The following FAM193A variants were observed in gnomAD, a reference collection of about 807,000 sequenced individuals.
The protein encoded by FAM193A is family with sequence similarity 193 member A.
FAM193A carries 22 observed loss-of-function variants against 126.5 expected under a neutral mutation model. The observed-to-expected ratio is 0.17, with a 90% CI of 0.12 to 0.25. The LOEUF (loss-of-function observed/expected upper bound fraction) is 0.25, where lower values mean the gene tolerates loss of function less well. Ranked by LOEUF, FAM193A falls within the 10% of genes least tolerant of loss-of-function variation. FAM193A has a pLI of 1.00. For synonymous variants in FAM193A, 761 were observed against 646.8 expected (o/e 1.18, Z -2.68); for missense variants, 1,675 against 1,672.8 (o/e 1.00, Z -0.02).
At chr4:2,583,383 C>G (rs1740061965) in intron 1 of FAM193A, among the ~76,000 whole-genome samples, 1 of 152,288 alleles carries the variant, frequency 6.6e-6, no homozygotes, top group Non-Finnish European at 1.5e-5. Flanking sequence ...GTAATCCTGC[C>G]CCTTTTGCAG....
intron 6 of FAM193A, among the ~76,000 whole-genome samples, chr4:2,644,291 A>G (rs1026597489): frequency 1.3e-5 from 2 of 152,154 alleles, no homozygotes; most frequent in Non-Finnish European, 2.9e-5. Context: ...ATAAATTCTT[A>G]CTTCCAGGAG....
intron 6 of FAM193A, among the ~76,000 whole-genome samples, chr4:2,645,034 ATGTGTGTGTGTG>A (rs3221482): frequency 4.7e-5 from 7 of 149,376 alleles, no homozygotes; most frequent in East Asian, 2.0e-4. Context: ...ATATACATGA[ATGTGTGTGTGTG>A]TGTGTGTGTG....
chr4:2,685,233 G>A (rs1715600803), intron 13 of FAM193A, among the ~76,000 whole-genome samples: 3 of 152,128 alleles, frequency 2.0e-5, no homozygotes, highest in East Asian at 3.9e-4. Context: ...GGGGAGGACC[G>A]GGTGCCAAGT....
intron 15 of FAM193A, among the ~76,000 whole-genome samples, chr4:2,691,745 G>C (rs1288711505): frequency 6.7e-6 from 1 of 148,840 alleles, no homozygotes; most frequent in Non-Finnish European, 1.5e-5. Flanking sequence ...TTTGAGACTA[G>C]CCTGGGCAAC....
chr4:2,637,465 C>T (rs1303057930), intron 5 of FAM193A, among the ~76,000 whole-genome samples: 5 of 152,198 alleles, frequency 3.3e-5, no homozygotes, highest in Non-Finnish European at 7.4e-5. Flanking sequence ...AAATTTTCAT[C>T]GACAAAGACA....
intron 13 of FAM193A, among the ~76,000 whole-genome samples, chr4:2,681,505 T>C (rs887930619): frequency 6.6e-6 from 1 of 152,150 alleles, no homozygotes; most frequent in Non-Finnish European, 1.5e-5. Context: ...GCCTGGAGTG[T>C]AGTGGTGCGA....
intron 1 of FAM193A, among the ~76,000 whole-genome samples, chr4:2,585,381 G>T (rs571197676): frequency 6.6e-6 from 1 of 152,150 alleles, no homozygotes; most frequent in Non-Finnish European, 1.5e-5. Flanking sequence ...TTTTGGCTGA[G>T]CGTGGGTTTT....
chr4:2,719,676 C>T (rs890789347), intron 20 of FAM193A, among the ~76,000 whole-genome samples: 14 of 145,510 alleles, frequency 9.6e-5, no homozygotes, highest in Admixed American at 2.2e-4. Context: ...ACCTGGGAGG[C>T]GGAGGTTGTG....
intron 13 of FAM193A, among the ~76,000 whole-genome samples, chr4:2,674,316 A>G (rs1714156679): frequency 6.6e-6 from 1 of 152,234 alleles, no homozygotes; most frequent in Admixed American, 6.5e-5. Context: ...CTGTGCCTAA[A>G]TGCATAATGC....
At chr4:2,690,615 T>G in intron 14 of FAM193A, 83 bp from the exon 15 acceptor site, 1 of 1,267,606 alleles carries the variant, frequency 7.9e-7, no homozygotes, top group South Asian at 1.5e-5. Flanking sequence ...CAGTATCAAG[T>G]GTTCAGTCAT....
chr4:2,549,450 G>A (rs374933050), intron 1 of FAM193A, among the ~76,000 whole-genome samples: 4 of 128,472 alleles, frequency 3.1e-5, no homozygotes, highest in East Asian at 2.2e-4. Context: ...AGGCTGGAGT[G>A]CAGTGGCGGG....
chr4:2,578,656 C>G (rs28674770), intron 1 of FAM193A, among the ~76,000 whole-genome samples: 1,958 of 152,200 alleles, frequency 0.013, 21 homozygotes, highest in Middle Eastern at 0.02. Context: ...TCTCCAAAAC[C>G]TTAACTACTA....
chr4:2,645,618 C>T (rs1745059998), intron 6 of FAM193A, among the ~76,000 whole-genome samples: 1 of 152,078 alleles, frequency 6.6e-6, no homozygotes, highest in African/African-American at 2.4e-5. Flanking sequence ...CCTCTGCCTC[C>T]CAGGTTCAAG....
chr4:2,565,254 C>CTTTT (rs71644338), intron 1 of FAM193A, among the ~76,000 whole-genome samples: 508 of 50,680 alleles, frequency 0.01, 49 homozygotes, highest in African/African-American at 0.035. Context: ...ATAGAGTAGC[C>CTTTT]TTTTTTTTTT....
chr4:2,591,248 ATAGT>A (rs1003955356), intron 1 of FAM193A, among the ~76,000 whole-genome samples: 23 of 152,222 alleles, frequency 1.5e-4, no homozygotes, highest in Admixed American at 9.8e-4. Flanking sequence ...ATAAAGCCAC[ATAGT>A]TGGTTGGGGC....
intron 13 of FAM193A, among the ~76,000 whole-genome samples, chr4:2,684,347 A>G (rs921259879): frequency 1.3e-5 from 2 of 151,916 alleles, no homozygotes; most frequent in Non-Finnish European, 2.9e-5. Flanking sequence ...GATTCTGACT[A>G]TATTTATTAT....
intron 5 of FAM193A, among the ~76,000 whole-genome samples, chr4:2,633,723 C>T (rs1743824701): frequency 2.6e-5 from 4 of 151,944 alleles, no homozygotes; most frequent in Admixed American, 2.6e-4. Flanking sequence ...GAAACCCCGT[C>T]TCTACTAAAA....
chr4:2,655,216 G>T, intron 7 of FAM193A: 1 of 547,812 alleles, frequency 1.8e-6, no homozygotes, highest in South Asian at 2.6e-5. Flanking sequence ...TTTATTTCTA[G>T]TTGATTTAGG....
chr4:2,557,501 C>T (rs1738332055), intron 1 of FAM193A, among the ~76,000 whole-genome samples: 1 of 152,214 alleles, frequency 6.6e-6, no homozygotes, highest in South Asian at 2.1e-4. Context: ...CAGTACACCA[C>T]AGTGCATTTA....
Sources: allele counts gnomAD v4.1 joint callset (sites outside exome capture counted in the v4.1 genomes callset), GRCh38; gene constraint gnomAD v4.1.1; transcripts MANE v1.5; gene names NCBI Gene and HGNC (gene_info 2026-07-23, HGNC 2026-07-21).